Variants in ACOT11 observed in about 807,000 individuals in gnomAD.
ACOT11 encodes the protein acyl-coenzyme A thioesterase 11.
Under a neutral mutation model 77.5 loss-of-function variants are expected in ACOT11, and 69 were observed. The observed-to-expected ratio is 0.89, with a 90% CI of 0.73 to 1.09. The LOEUF (loss-of-function observed/expected upper bound fraction) is 1.09, where lower values mean the gene tolerates loss of function less well. Among genes scored for constraint, ACOT11 ranks in the 50% least tolerant of loss-of-function variants. The pLI, the probability that ACOT11 is intolerant of heterozygous loss-of-function variation, is 0.00. For synonymous variants in ACOT11, 279 were observed against 313.0 expected (o/e 0.89, Z 1.15); for missense variants, 766 against 813.7 (o/e 0.94, Z 0.71).
At chr1:54,619,904 G>T (rs769912646) in intron 15 of ACOT11, 1 of 1,614,134 alleles carries the variant, frequency 6.2e-7, no homozygotes, top group Non-Finnish European at 8.5e-7. Flanking sequence ...TGTTGGCTGC[G>T]TGGTACCAGG....
intron 4 of ACOT11, among the ~76,000 whole-genome samples, 155 bp from the exon 5 acceptor site, chr1:54,593,786 C>G (rs1203177841): frequency 2.0e-5 from 3 of 152,126 alleles, no homozygotes; most frequent in Admixed American, 6.5e-5. Flanking sequence ...GTCAAACCCC[C>G]CCTCAGATCT....
intron 7 of ACOT11, chr1:54,597,849 C>T (rs1240960024): frequency 5.7e-6 from 1 of 174,542 alleles, no homozygotes; most frequent in African/African-American, 2.4e-5. Flanking sequence ...AATATCCTGC[C>T]CACTTCCTCC....
rs1553161034 is a variant in ACOT11, at chr1:54,554,351, A to ATATTT, written c.33+6010_33+6011insATTTT. Among the ~76,000 whole-genome samples the ATATTT allele has an allele frequency of 1.1e-3, 109 of 97,246 alleles. 1 individual carries two copies. Among genetic ancestry groups the ATATTT allele is most frequent in the East Asian group, 7.3e-3 (25 of 3,412 alleles). 63.8% of individuals were successfully genotyped at this position (97,246 alleles called of 152,430 possible). A position where few individuals can be genotyped will look rare whatever the true frequency, so the allele number is the denominator to read the frequency against. Reference sequence around the variant, plus strand: ...TGTGTGTGTATATATATATATATATATTTTTTTTTTTTTTTTTTGAGATGG... The same window carrying ATATTT: ...TGTGTGTGTATATATATATATATATATATTTTTTTTTTTTTTTTTTTTTGAGATGG... On this transcript the variant is annotated intron_variant, in intron 1 of 15. Coordinates refer to ENST00000343744, the MANE Select transcript of ACOT11 (RefSeq NM_147161.4).
chr1:54,612,741 G>A (rs754486068), downstream of ACOT11: 19 of 1,567,734 alleles, frequency 1.2e-5, no homozygotes, highest in South Asian at 1.3e-4. Context: ...TTGGTCTCAC[G>A]GAGCTGCAGC....
intron 1 of ACOT11, among the ~76,000 whole-genome samples, chr1:54,565,456 A>G (rs1225043352): frequency 1.3e-5 from 2 of 151,826 alleles, no homozygotes; most frequent in African/African-American, 4.8e-5. Flanking sequence ...CCTCTGCTGC[A>G]CTCCTGCCAG....
At chr1:54,616,388 G>T (rs1644174116) in intron 15 of ACOT11, among the ~76,000 whole-genome samples, 1 of 151,226 alleles carries the variant, frequency 6.6e-6, no homozygotes, top group Admixed American at 6.6e-5. Flanking sequence ...TTTTGAGACG[G>T]AGTCTTGCTC....
chr1:54,615,646 A>G (rs1035107524), intron 15 of ACOT11, among the ~76,000 whole-genome samples: 3 of 151,512 alleles, frequency 2.0e-5, no homozygotes, highest in Admixed American at 6.6e-5. Context: ...CATTATGGTG[A>G]CGCCTGGATT....
chr1:54,569,105 ACT>A (rs552737967), intron 1 of ACOT11, among the ~76,000 whole-genome samples: 90 of 146,286 alleles, frequency 6.2e-4, no homozygotes, highest in Middle Eastern at 7.0e-3. Flanking sequence ...ACAGAGCAAG[ACT>A]CTCTCGAAAA....
chr1:54,557,736 C>A (rs1653312856), intron 1 of ACOT11, among the ~76,000 whole-genome samples: 1 of 152,184 alleles, frequency 6.6e-6, no homozygotes, highest in African/African-American at 2.4e-5. Context: ...TTGTATCCTG[C>A]AACTTTACTG....
At chr1:54,555,274 T>C (rs990637512) in intron 1 of ACOT11, among the ~76,000 whole-genome samples, 4 of 152,220 alleles carry the variant, frequency 2.6e-5, no homozygotes, top group African/African-American at 9.6e-5. Flanking sequence ...TTTTTGATAG[T>C]AGCTATTCTG....
intron 1 of ACOT11, among the ~76,000 whole-genome samples, chr1:54,555,753 AT>A (rs909421627): frequency 1.5e-5 from 2 of 130,302 alleles, no homozygotes; most frequent in African/African-American, 5.2e-5. Flanking sequence ...TTTATTTTTT[AT>A]TTTTTTTTGA....
chr1:54,608,678 G>T (rs1362007811), intron 15 of ACOT11, among the ~76,000 whole-genome samples: 1 of 152,186 alleles, frequency 6.6e-6, no homozygotes, highest in Non-Finnish European at 1.5e-5. Context: ...GCCCTCCAGG[G>T]CCTCTGGCTG....
intron 15 of ACOT11, among the ~76,000 whole-genome samples, chr1:54,622,019 A>G (rs940028706): frequency 2.6e-5 from 4 of 152,322 alleles, no homozygotes; most frequent in African/African-American, 9.6e-5. Context: ...CATGCCTGTA[A>G]TCCCAGCACT....
Position 54,615,762 on chromosome 1 carries a change from G to A in ACOT11, c.1629+7694G>A, listed in dbSNP as rs186230987. On this transcript the variant is annotated intron_variant, in intron 15 of 16. Coordinates refer to the ACOT11 transcript ENST00000371316. ...AGGAGGGAGCACTCTGAGCATGCGC[G>A]GCACTTTGCAGTTCACACTGTACTG... Among the ~76,000 whole-genome samples, 20 of 152,276 alleles carry A rather than the reference G, an allele frequency of 1.3e-4. No individual in the cohort carries two copies. In the East Asian group the frequency reaches 2.5e-3, roughly 19 times the overall value.
chr1:54,621,356 C>T (rs1644228324), intron 15 of ACOT11: 3 of 152,094 alleles, frequency 2.0e-5, no homozygotes, highest in African/African-American at 7.2e-5. Flanking sequence ...ACTGGGGAGG[C>T]TGAGGCAAAA....
At chr1:54,592,707 G>A (rs1654754623) in intron 4 of ACOT11, 101 bp downstream of exon 4, 2 of 1,246,198 alleles carry the variant, frequency 1.6e-6, no homozygotes, top group Non-Finnish European at 1.1e-6. Context: ...CACACTTGCA[G>A]GGCCCTGATT....
At chr1:54,614,589 A>G (rs1644151484), downstream of ACOT11, 3 of 1,101,288 alleles carry the variant, frequency 2.7e-6, no homozygotes, top group Admixed American at 2.6e-5. Context: ...AGGTGAGGCT[A>G]TATATAGTAT....
At chr1:54,602,765 G>A in intron 10 of ACOT11, 41 bp downstream of exon 10, 2 of 1,490,498 alleles carry the variant, frequency 1.3e-6, no homozygotes, top group Non-Finnish European at 8.9e-7. Flanking sequence ...TGGATTCGGG[G>A]CTGTTCACGC....
downstream of ACOT11, chr1:54,614,609 C>T (rs898908243): frequency 1.7e-5 from 23 of 1,353,166 alleles, no homozygotes; most frequent in African/African-American, 3.3e-4. Flanking sequence ...TGATTGGAGA[C>T]AAACTCAGAG....
Sources: allele counts gnomAD v4.1 joint callset (sites outside exome capture counted in the v4.1 genomes callset), GRCh38; gene constraint gnomAD v4.1.1; transcripts MANE v1.5; gene names NCBI Gene and HGNC (gene_info 2026-07-23, HGNC 2026-07-21).